The following RPA1 variants were observed in gnomAD, a reference collection of about 807,000 sequenced individuals.
RPA1 encodes the protein replication protein A 70 kDa DNA-binding subunit.
A neutral mutation model predicts 83.0 loss-of-function variants in RPA1; 49 were observed. The observed-to-expected ratio is 0.59, with a 90% CI of 0.47 to 0.75. The LOEUF (loss-of-function observed/expected upper bound fraction) is 0.75, where lower values mean the gene tolerates loss of function less well. Ranked by LOEUF, RPA1 falls within the 30% of genes least tolerant of loss-of-function variation. RPA1 has a pLI of 0.00. For missense variants in RPA1, 693 were observed against 776.1 expected (o/e 0.89, Z 1.27); for synonymous variants, 279 against 281.8 (o/e 0.99, Z 0.10).
Position 1,888,676 on chromosome 17 carries a change from C to T in RPA1, c.1376C>T (p.Pro459Leu), listed in dbSNP as rs141166851. 6.8e-6 allele frequency: 11 copies of T among 1,608,152 alleles called. No individual in the cohort carries two copies. The highest frequency in any genetic ancestry group is 4.0e-5 in the African/African-American group (3 of 74,816). ...TCATGCTGTTCTTTTCTCCCGAAGC[C>T]GGACTACTTTAGTTCTGTGGCCACA... ...KSENLGQGDK[P>L]DYFSSVATVV... The change falls in exon 14 of 17, where the codon CCG (proline) becomes CTG (leucine). Residue 459 changes from proline (P) to leucine (L), a missense_variant and splice_region_variant. Coordinates refer to ENST00000254719, the MANE Select transcript of RPA1 (RefSeq NM_002945.5).
intron 1 of RPA1, 115 bp downstream of exon 1, chr17:1,830,241 A>C: frequency 2.3e-6 from 1 of 430,760 alleles, no homozygotes; most frequent in Non-Finnish European, 3.2e-6. Context: ...CGAGGGGAGG[A>C]GATGGCGGGG....
At position 1,844,644 on chromosome 17, in the gene RPA1, G is replaced by GTGT; in HGVS notation, c.230_231insTGT (p.Cys77_Gln78insVal). 6.2e-7 allele frequency: 1 copy of GTGT among 1,613,756 alleles called. No homozygotes were observed. Among genetic ancestry groups the GTGT allele is most frequent in the East Asian group, 2.2e-5 (1 of 44,878 alleles). On this transcript the variant is annotated inframe_insertion, in exon 4 of 17. Coordinates refer to ENST00000254719, the MANE Select transcript of RPA1 (RefSeq NM_002945.5). ...GAACAATTGTCCAGCAACTGTGTAT[G>GTGT]CCAGATTCACAGATTTATTGTGAAC...
At chr17:1,858,415 C>G in intron 5 of RPA1, 1 of 1,572,678 alleles carries the variant, frequency 6.4e-7, no homozygotes, top group Non-Finnish European at 8.7e-7. Context: ...GAGGCAATGA[C>G]GACCAACGTG....
At chr17:1,834,657 A>G (rs1911744576) in intron 1 of RPA1, among the ~76,000 whole-genome samples, 1 of 152,232 alleles carries the variant, frequency 6.6e-6, no homozygotes, top group East Asian at 1.9e-4. Flanking sequence ...TCTTAATTAT[A>G]TAACGAAAGG....
chr17:1,883,365 G>C (rs891240343), intron 12 of RPA1, among the ~76,000 whole-genome samples: 2 of 152,056 alleles, frequency 1.3e-5, no homozygotes, highest in Non-Finnish European at 2.9e-5. Flanking sequence ...GTTTCACCAT[G>C]TTGGCCAGGA....
Position 1,875,668 on chromosome 17 carries a change from T to G in RPA1, c.462T>G (p.Thr154=), listed in dbSNP as rs767536053. 1.9e-6 allele frequency: 3 copies of G among 1,612,332 alleles called. No homozygotes were observed. In the East Asian group the frequency reaches 6.7e-5, roughly 36 times the overall value. ...PQNGSSGMGS[T]VSKAYGASKT... ...TTGCGTTTGTTTTTAAAGGTTCTACTGTTTCTAAGGCTTATGGTGCTTCAA... is the reference window on the plus strand; with the variant it reads ...TTGCGTTTGTTTTTAAAGGTTCTACGGTTTCTAAGGCTTATGGTGCTTCAA... Residue 154 remains threonine, a synonymous_variant, in exon 7 of 17, where the codon ACT becomes ACG. Transcript: ENST00000254719.
intron 15 of RPA1, among the ~76,000 whole-genome samples, chr17:1,894,228 G>A (rs1196866082): frequency 1.3e-5 from 2 of 150,612 alleles, no homozygotes; most frequent in Non-Finnish European, 3.0e-5. Flanking sequence ...GTGCAGTAGT[G>A]CAGTCTCAGC....
intron 1 of RPA1, among the ~76,000 whole-genome samples, chr17:1,832,131 ATGTT>A (rs1037072690): frequency 2.0e-5 from 3 of 150,000 alleles, no homozygotes; most frequent in Non-Finnish European, 4.4e-5. Context: ...GGGTTTCACC[ATGTT>A]GCCCAGGCTG....
chr17:1,838,881 C>A (rs371852662), intron 1 of RPA1, among the ~76,000 whole-genome samples: 1 of 152,000 alleles, frequency 6.6e-6, no homozygotes, highest in Non-Finnish European at 1.5e-5. Context: ...GATGGAGCCT[C>A]GCTCTGTCAC....
intron 2 of RPA1, among the ~76,000 whole-genome samples, chr17:1,843,312 G>C (rs1912126706): frequency 6.6e-6 from 1 of 151,920 alleles, no homozygotes; most frequent in Admixed American, 6.6e-5. Flanking sequence ...CACCCCTGCA[G>C]GTTTTCAGTC....
rs561515639 is a variant in RPA1, at chr17:1,867,582, A to T, written c.362-4852A>T. On this transcript the variant is annotated intron_variant, in intron 5 of 16. Transcript: ENST00000254719. ...AAAAATTATCCAGGCCTGATAGCAC[A>T]CTCCTCTAGTCCTGGCTACTCGGGA... 9.2e-5 allele frequency among the ~76,000 whole-genome samples: 14 copies of T among 151,646 alleles called. 2 individuals are homozygous for T. In the Middle Eastern group the frequency reaches 0.027, roughly 295 times the overall value.
chr17:1,895,467 A>C (rs1201867329), intron 16 of RPA1, among the ~76,000 whole-genome samples: 1 of 151,786 alleles, frequency 6.6e-6, no homozygotes, highest in East Asian at 1.9e-4. Flanking sequence ...AAGTATATTA[A>C]GTATATGAGC....
intron 4 of RPA1, 86 bp from the exon 5 acceptor site, chr17:1,853,012 CAAT>C: frequency 3.1e-6 from 3 of 969,090 alleles, no homozygotes; most frequent in Non-Finnish European, 5.0e-6. Context: ...TAGTTCATCA[CAAT>C]GATCATCGGG....
intron 13 of RPA1, among the ~76,000 whole-genome samples, chr17:1,885,243 A>G (rs1290475474): frequency 1.3e-5 from 2 of 152,174 alleles, no homozygotes; most frequent in East Asian, 3.8e-4. Context: ...TGCCCATCGT[A>G]AGGAGCAGCT....
At chr17:1,883,995 G>A (rs936632758) in intron 13 of RPA1, 51 bp downstream of exon 13, 2 of 1,603,396 alleles carry the variant, frequency 1.2e-6, no homozygotes, top group Non-Finnish European at 1.7e-6. Flanking sequence ...GTGTGCAGAA[G>A]GATGGATTTA....
chr17:1,886,489 TG>T (rs1567826122), intron 13 of RPA1, among the ~76,000 whole-genome samples: 1 of 152,248 alleles, frequency 6.6e-6, no homozygotes, highest in East Asian at 1.9e-4. Context: ...ATGTTCTTGA[TG>T]GCATCTTCTT....
intron 1 of RPA1, among the ~76,000 whole-genome samples, chr17:1,838,533 G>A (rs1911910428): frequency 6.6e-6 from 1 of 151,608 alleles, no homozygotes; most frequent in Non-Finnish European, 1.5e-5. Flanking sequence ...AACCCAGGAG[G>A]TGGAGGTTGT....
Position 1,844,445 on chromosome 17 carries a change from C to G in RPA1, c.164-133C>G. On this transcript the variant is annotated intron_variant, in intron 3 of 16. Coordinates refer to ENST00000254719, the MANE Select transcript of RPA1 (RefSeq NM_002945.5). ...GCAGCAAAATACACAGTTTTTCACT[C>G]TGCAGAGTCTGACTAGTTTTAATTT... The G allele has an allele frequency of 4.8e-6, 3 of 630,806 alleles. No individual in the cohort carries two copies. The South Asian group carries it at 6.3e-5, about 13-fold the overall frequency. The allele number at this position is 630,806 out of a possible 1,614,324, so 39.1% of individuals were successfully genotyped here. A position where few individuals can be genotyped will look rare whatever the true frequency, so the allele number is the denominator to read the frequency against.
At chr17:1,850,277 A>G (rs1490286206) in intron 4 of RPA1, among the ~76,000 whole-genome samples, 1 of 151,658 alleles carries the variant, frequency 6.6e-6, no homozygotes, top group African/African-American at 2.4e-5. Context: ...CACGCCTGTA[A>G]TCCCAGCACC....
Sources: allele counts gnomAD v4.1 joint callset (sites outside exome capture counted in the v4.1 genomes callset), GRCh38; gene constraint gnomAD v4.1.1; transcripts MANE v1.5; gene names NCBI Gene and HGNC (gene_info 2026-07-23, HGNC 2026-07-21).